Variants in TRAF2 observed in about 807,000 individuals in gnomAD.
TRAF2 encodes the protein TNF receptor associated factor 2.
Under a neutral mutation model 55.6 loss-of-function variants are expected in TRAF2, and 6 were observed. That is an observed-to-expected ratio of 0.11 (90% confidence interval 0.06 to 0.21). TRAF2 has a LOEUF of 0.21. Ranked by LOEUF, TRAF2 falls within the 10% of genes least tolerant of loss-of-function variation. The pLI, the probability that TRAF2 is intolerant of heterozygous loss-of-function variation, is 1.00. For missense variants in TRAF2, 561 were observed against 684.5 expected, an observed-to-expected ratio of 0.82 and a Z score of 2.01; for synonymous variants, 329 against 276.3, an observed-to-expected ratio of 1.19 and a Z score of -1.89.
intron 10 of TRAF2, 77 bp from the exon 11 acceptor site, chr9:136,925,606 C>A: frequency 6.8e-7 from 1 of 1,459,860 alleles, no homozygotes; most frequent in Non-Finnish European, 9.4e-7. Flanking sequence ...GGTGGCCCTG[C>A]CAGTGTCCAG....
chr9:136,893,229 G>A (rs1185173491), intron 1 of TRAF2, among the ~76,000 whole-genome samples: 1 of 152,206 alleles, frequency 6.6e-6, no homozygotes, highest in Non-Finnish European at 1.5e-5. Context: ...CTTGAGCACT[G>A]GGCAGGCAGA....
At chr9:136,907,815 A>G (rs1229141165) in intron 4 of TRAF2, among the ~76,000 whole-genome samples, 1 of 152,040 alleles carries the variant, frequency 6.6e-6, no homozygotes, top group Non-Finnish European at 1.5e-5. Context: ...CAAGGCATCC[A>G]CACAGAGACC....
chr9:136,919,042 A>ATATTTATTTATTTATTTATTTATT (rs57654341), intron 7 of TRAF2, among the ~76,000 whole-genome samples: 1,434 of 138,376 alleles, frequency 0.01, 21 homozygotes, highest in Non-Finnish European at 0.012. Context: ...GCCTATTTTA[A>ATATTTATTTATTTATTTATTTATT]TATTTATTTA....
chr9:136,924,090 A>G (rs952953464), intron 10 of TRAF2, 90 bp downstream of exon 10: 146 of 1,515,938 alleles, frequency 9.6e-5, no homozygotes, highest in Non-Finnish European at 1.2e-4. Context: ...GTGCGGGACA[A>G]GGTGGCTTGG....
At chr9:136,905,358 A>G (rs1186669205) in intron 4 of TRAF2, among the ~76,000 whole-genome samples, 1 of 152,228 alleles carries the variant, frequency 6.6e-6, no homozygotes, top group Non-Finnish European at 1.5e-5. Context: ...AGGCACAAGA[A>G]GATAAAGACT....
At chr9:136,887,602 G>A (rs1849483069) in intron 1 of TRAF2, among the ~76,000 whole-genome samples, 1 of 152,140 alleles carries the variant, frequency 6.6e-6, no homozygotes, top group African/African-American at 2.4e-5. Flanking sequence ...GACTGAGAAC[G>A]GACCCTGCTC....
At chr9:136,884,436 G>A (rs573169471), upstream of TRAF2, among the ~76,000 whole-genome samples, 3 of 152,096 alleles carry the variant, frequency 2.0e-5, no homozygotes, top group East Asian at 3.9e-4. Flanking sequence ...GGTGTGCGCC[G>A]GTAGTCCCAG....
chr9:136,910,683 G>A (rs941246677), intron 6 of TRAF2, among the ~76,000 whole-genome samples: 6 of 152,198 alleles, frequency 3.9e-5, no homozygotes, highest in Non-Finnish European at 7.4e-5. Context: ...CCCCCATCTG[G>A]GCAGCTACAG....
intron 6 of TRAF2, among the ~76,000 whole-genome samples, chr9:136,915,212 A>G (rs771439524): frequency 2.0e-5 from 3 of 152,192 alleles, no homozygotes; most frequent in Non-Finnish European, 2.9e-5. Flanking sequence ...TAAAATGGTT[A>G]CATGGCACCA....
Position 136,904,982 on chromosome 9 carries a change from G to A in TRAF2, c.367-3088G>A, listed in dbSNP as rs1218162005. Among the ~76,000 whole-genome samples the A allele has an allele frequency of 4.6e-5, 7 of 152,222 alleles. No homozygotes were observed. In the East Asian group the frequency reaches 5.8e-4, roughly 13 times the overall value. ...GGGCTGGGCCCATGTTCCCTGGGGC[G>A]CCTCTAAGGAGTAGTTGCTGTGCCT... is the stretch of plus-strand genomic sequence containing the variant. On this transcript the variant is annotated intron_variant, in intron 4 of 10. Coordinates refer to ENST00000247668, the MANE Select transcript of TRAF2 (RefSeq NM_021138.4).
At chr9:136,919,360 G>A (rs551512352) in intron 7 of TRAF2, among the ~76,000 whole-genome samples, 4 of 147,148 alleles carry the variant, frequency 2.7e-5, no homozygotes, top group South Asian at 2.2e-4. Flanking sequence ...GTACAGTGGC[G>A]CGATCTCGGC....
intron 4 of TRAF2, 27 bp from the exon 5 acceptor site, chr9:136,908,043 A>C: frequency 1.9e-6 from 3 of 1,587,736 alleles, no homozygotes; most frequent in Non-Finnish European, 1.7e-6. Flanking sequence ...CGCGAGTTCT[A>C]CTGACGCTTC....
intron 4 of TRAF2, among the ~76,000 whole-genome samples, chr9:136,902,973 A>T (rs1381554349): frequency 1.3e-5 from 1 of 79,476 alleles, no homozygotes; most frequent in Non-Finnish European, 2.4e-5. Flanking sequence ...TTATTTATTT[A>T]TTTTTATTTT....
chr9:136,907,725 T>A (rs1849988253), intron 4 of TRAF2, among the ~76,000 whole-genome samples: 1 of 152,092 alleles, frequency 6.6e-6, no homozygotes, highest in South Asian at 2.1e-4. Flanking sequence ...AGCTGGTGTG[T>A]GTGGCAGGGA....
upstream of TRAF2, among the ~76,000 whole-genome samples, chr9:136,883,170 A>AC (rs950412214): frequency 6.6e-6 from 1 of 150,896 alleles, no homozygotes; most frequent in Non-Finnish European, 1.5e-5. Context: ...ATGCCCAGCC[A>AC]GTTTTTTTTT....
upstream of TRAF2, among the ~76,000 whole-genome samples, chr9:136,884,998 C>T (rs957460730): frequency 1.3e-5 from 2 of 152,180 alleles, no homozygotes; most frequent in African/African-American, 4.8e-5. Flanking sequence ...CCTGCAGGTG[C>T]GGACTTGGGA....
chr9:136,919,042 ATATT>A lies in TRAF2; in HGVS notation c.679-1162_679-1159del, dbSNP rs57654341. Among the ~76,000 whole-genome samples, 412 of 138,374 alleles carry A rather than the reference ATATT, an allele frequency of 3.0e-3. 3 individuals are homozygous for A. Among genetic ancestry groups the A allele is most frequent in the South Asian group, 0.011 (45 of 4,210 alleles). 90.8% of individuals were successfully genotyped at this position (138,374 alleles called of 152,430 possible). A position where few individuals can be genotyped will look rare whatever the true frequency, so the allele number is the denominator to read the frequency against. ...GAGCCACTGCACCTGGCCTATTTTA[ATATT>A]TATTTATTTATTTATTTATTTATTT... is the stretch of plus-strand genomic sequence containing the variant. On this transcript the variant is annotated intron_variant, in intron 7 of 10. Transcript: ENST00000247668.
intron 1 of TRAF2, among the ~76,000 whole-genome samples, chr9:136,896,653 T>C (rs569002465): frequency 6.6e-6 from 1 of 152,246 alleles, no homozygotes; most frequent in East Asian, 1.9e-4. Context: ...TCCCCGCTTT[T>C]TTTTTTGAGT....
intron 4 of TRAF2, among the ~76,000 whole-genome samples, chr9:136,901,347 G>GGTA (rs1849816099): frequency 6.6e-6 from 1 of 152,208 alleles, no homozygotes; most frequent in Non-Finnish European, 1.5e-5. Context: ...AGAGCCCAAA[G>GGTA]GTAGAGGCAG....
Sources: gnomAD v4.1 joint callset for allele counts (sites outside exome capture counted in the v4.1 genomes callset) on GRCh38, gnomAD v4.1.1 for gene constraint, MANE v1.5 for transcripts, NCBI Gene and HGNC (gene_info 2026-07-23, HGNC 2026-07-21) for gene names.